Variants in CDH12 observed in about 807,000 individuals in gnomAD.
The protein encoded by CDH12 is cadherin-12.
Under a neutral mutation model 74.1 loss-of-function variants are expected in CDH12, and 41 were observed. That is an observed-to-expected ratio of 0.55 (90% confidence interval 0.43 to 0.72). The LOEUF is 0.72. Ranked by LOEUF, CDH12 falls within the 30% of genes least tolerant of loss-of-function variation. The probability of loss-of-function intolerance (pLI) is 0.00; values close to 1 mark genes in which losing one functional copy is unlikely to be tolerated. For synonymous variants in CDH12, 399 were observed against 355.0 expected (o/e 1.12, Z -1.39); for missense variants, 945 against 977.2 (o/e 0.97, Z 0.44).
intron 5 of CDH12, among the ~76,000 whole-genome samples, chr5:21,981,119 T>C (rs1396526404): frequency 1.3e-5 from 2 of 152,182 alleles, no homozygotes; most frequent in Non-Finnish European, 2.9e-5. Context: ...TCTTTAATTA[T>C]AAATTCGAAT....
chr5:22,785,696 T>C (rs1747588113), intron 1 of CDH12, among the ~76,000 whole-genome samples: 1 of 152,090 alleles, frequency 6.6e-6, no homozygotes, highest in South Asian at 2.1e-4. Flanking sequence ...TTTTGCACCT[T>C]TTGTAGAGAT....
chr5:22,336,296 T>C (rs930905083), intron 3 of CDH12, among the ~76,000 whole-genome samples: 4 of 152,138 alleles, frequency 2.6e-5, no homozygotes, highest in Non-Finnish European at 5.9e-5. Context: ...GACAATGTGA[T>C]GGAAAAGAAA....
intron 3 of CDH12, among the ~76,000 whole-genome samples, chr5:22,233,154 C>A (rs1271895055): frequency 6.6e-6 from 1 of 151,698 alleles, no homozygotes; most frequent in Non-Finnish European, 1.5e-5. Context: ...CACACATTTG[C>A]AAATCCACTT....
intron 2 of CDH12, among the ~76,000 whole-genome samples, chr5:22,465,172 G>T (rs943317164): frequency 6.6e-6 from 1 of 152,106 alleles, no homozygotes; most frequent in Non-Finnish European, 1.5e-5. Context: ...GCCTCGTTTT[G>T]TATATCCAGT....
intron 10 of CDH12, among the ~76,000 whole-genome samples, chr5:21,789,107 T>G (rs773600454): frequency 1.3e-5 from 2 of 152,124 alleles, no homozygotes; most frequent in Non-Finnish European, 2.9e-5. Flanking sequence ...ACATTCATAC[T>G]AAATTAGAGT....
chr5:21,917,462 G>A (rs918758895), intron 6 of CDH12, among the ~76,000 whole-genome samples: 4 of 152,164 alleles, frequency 2.6e-5, no homozygotes, highest in Non-Finnish European at 2.9e-5. Context: ...ATCTTCCTTT[G>A]ACAATTTCAA....
intron 4 of CDH12, among the ~76,000 whole-genome samples, chr5:22,162,957 C>T (rs951309819): frequency 6.8e-6 from 1 of 147,640 alleles, no homozygotes; most frequent in Non-Finnish European, 1.5e-5. Flanking sequence ...ACTGCAGTGG[C>T]GCGATCTCTG....
intron 1 of CDH12, among the ~76,000 whole-genome samples, chr5:22,678,775 G>C (rs1741343283): frequency 6.6e-6 from 1 of 151,932 alleles, no homozygotes; most frequent in African/African-American, 2.4e-5. Flanking sequence ...CATCATTTAG[G>C]AATTGCAAAG....
intron 5 of CDH12, among the ~76,000 whole-genome samples, chr5:21,989,603 GATTA>G (rs1318327649): frequency 4.6e-5 from 7 of 152,160 alleles, no homozygotes; most frequent in East Asian, 1.9e-4. Flanking sequence ...AAAAGGAAAT[GATTA>G]ATTAGTCAAA....
At chr5:22,400,968 G>A (rs561874382) in intron 3 of CDH12, among the ~76,000 whole-genome samples, 4 of 152,186 alleles carry the variant, frequency 2.6e-5, no homozygotes, top group South Asian at 2.1e-4. Context: ...TTTGTGCTTC[G>A]TGGAGAAGAG....
intron 3 of CDH12, among the ~76,000 whole-genome samples, chr5:22,330,609 G>C (rs1460760239): frequency 6.6e-6 from 1 of 151,932 alleles, no homozygotes; most frequent in East Asian, 1.9e-4. Flanking sequence ...AAATTAGCTA[G>C]GCATGGTGGT....
intron 1 of CDH12, among the ~76,000 whole-genome samples, chr5:22,634,605 T>A (rs1373639894): frequency 1.3e-5 from 2 of 152,084 alleles, no homozygotes; most frequent in African/African-American, 4.8e-5. Flanking sequence ...AAAATGGGCA[T>A]AAATCAAAGG....
chr5:21,861,433 GAA>G (rs1307132692), intron 6 of CDH12, among the ~76,000 whole-genome samples: 1 of 152,002 alleles, frequency 6.6e-6, no homozygotes, highest in Non-Finnish European at 1.5e-5. Context: ...TACTGAGTGA[GAA>G]TGTAACAAAG....
At chr5:22,812,545 G>A (rs1749201925) in intron 1 of CDH12, among the ~76,000 whole-genome samples, 1 of 152,254 alleles carries the variant, frequency 6.6e-6, no homozygotes, top group Non-Finnish European at 1.5e-5. Flanking sequence ...TGTGAAGCTG[G>A]CCCTGACAGT....
rs1057224460 is a variant in CDH12, at chr5:21,916,918, G to A, written c.526+58173C>T. 2.0e-5 allele frequency among the ~76,000 whole-genome samples: 3 copies of A among 152,240 alleles called. No homozygotes were observed. The South Asian group carries it at 6.2e-4, about 32-fold the overall frequency. On this transcript the variant is annotated intron_variant, in intron 6 of 14. Coordinates refer to ENST00000382254, the MANE Select transcript of CDH12 (RefSeq NM_004061.5). ...GGCTCTCTATCTGTGGACATTCTTA[G>A]TAAATAAAATCTCTTGAAAACAGCT...
chr5:21,994,915 A>C (rs568395908), intron 5 of CDH12, among the ~76,000 whole-genome samples: 1 of 152,296 alleles, frequency 6.6e-6, no homozygotes, highest in East Asian at 1.9e-4. Context: ...AAAGCTGGCC[A>C]CCTGAGCCAG....
chr5:22,362,382 T>A (rs931534518), intron 3 of CDH12, among the ~76,000 whole-genome samples: 1 of 152,060 alleles, frequency 6.6e-6, no homozygotes, highest in Non-Finnish European at 1.5e-5. Context: ...CACAATGAGA[T>A]ACCATCTCAC....
chr5:22,474,990 G>A (rs1746109824), intron 2 of CDH12, among the ~76,000 whole-genome samples: 1 of 151,134 alleles, frequency 6.6e-6, no homozygotes, highest in Admixed American at 6.6e-5. Flanking sequence ...GATAGATGAG[G>A]TCCCATCTCT....
At chr5:22,065,163 GCT>G (rs1274889316) in intron 5 of CDH12, among the ~76,000 whole-genome samples, 1 of 152,056 alleles carries the variant, frequency 6.6e-6, no homozygotes, top group African/African-American at 2.4e-5. Context: ...CCACCTCACT[GCT>G]CTCTTTGATT....
Sources: gnomAD v4.1 joint callset for allele counts (sites outside exome capture counted in the v4.1 genomes callset) on GRCh38, gnomAD v4.1.1 for gene constraint, MANE v1.5 for transcripts, NCBI Gene and HGNC (gene_info 2026-07-23, HGNC 2026-07-21) for gene names.